The following GREB1 variants were observed in gnomAD, a reference collection of about 807,000 sequenced individuals.
GREB1 encodes the protein protein GREB1.
GREB1 carries 106 observed loss-of-function variants against 200.7 expected under a neutral mutation model. The ratio of observed to expected loss-of-function variants is 0.53; its 90% confidence interval spans 0.45 to 0.62. The LOEUF is 0.62. Among genes scored for constraint, GREB1 ranks in the 20% least tolerant of loss-of-function variants. The probability of loss-of-function intolerance (pLI) is 0.00; values close to 1 mark genes in which losing one functional copy is unlikely to be tolerated. For synonymous variants in GREB1, 1,132 were observed against 1,092.4 expected (o/e 1.04, Z -0.72); for missense variants, 2,243 against 2,556.8 (o/e 0.88, Z 2.65).
intron 17 of GREB1, 78 bp from the exon 18 acceptor site, chr2:11,610,610 G>A (rs925349294): frequency 2.1e-5 from 23 of 1,097,560 alleles, no homozygotes; most frequent in South Asian, 4.4e-5. Context: ...GTAGAGTGAC[G>A]GATGTCTTGG....
chr2:11,621,933 T>A (rs554873688), intron 23 of GREB1, among the ~76,000 whole-genome samples: 38 of 152,378 alleles, frequency 2.5e-4, no homozygotes, highest in African/African-American at 8.9e-4. Context: ...GTCTCCTTGC[T>A]TTCTTGGACA....
intron 1 of GREB1, among the ~76,000 whole-genome samples, chr2:11,487,646 A>G (rs1672684942): frequency 6.6e-6 from 1 of 152,198 alleles, no homozygotes; most frequent in Non-Finnish European, 1.5e-5. Context: ...AATTTCAAAC[A>G]TATCTAAAAC....
chr2:11,521,761 G>A (rs932653551), intron 1 of GREB1, among the ~76,000 whole-genome samples: 2 of 152,252 alleles, frequency 1.3e-5, no homozygotes, highest in Non-Finnish European at 2.9e-5. Context: ...TGCTAATAAC[G>A]CAAACCATTT....
At chr2:11,562,751 C>T in intron 3 of GREB1, 169 bp downstream of exon 3, 2 of 641,570 alleles carry the variant, frequency 3.1e-6, no homozygotes, top group South Asian at 2.6e-5. Flanking sequence ...CAGGTGCTGG[C>T]CCGGCCTGCC....
intron 1 of GREB1, among the ~76,000 whole-genome samples, chr2:11,538,613 C>G (rs190171019): frequency 3.5e-3 from 10 of 2,858 alleles, no homozygotes; most frequent in East Asian, 0.014. Context: ...GCTTGTGTTT[C>G]TTTCTTTCTT....
chr2:11,560,526 C>A (rs1254315446), intron 2 of GREB1, among the ~76,000 whole-genome samples: 1 of 152,058 alleles, frequency 6.6e-6, no homozygotes, highest in African/African-American at 2.4e-5. Flanking sequence ...CATGGTGAAA[C>A]CCCATCTCTA....
Position 11,618,995 on chromosome 2 carries a change from G to A in GREB1, c.4044+76G>A, listed in dbSNP as rs1572159848. ...CACTCCCATCTGGAGGGCAGGCCTG[G>A]GGGTGACCGCACCCACGTCTTCACT... On this transcript the variant is annotated intron_variant, in intron 22 of 32. Transcript: ENST00000381486. The A allele has an allele frequency of 2.3e-6, 3 of 1,316,120 alleles. No homozygotes were observed. In the East Asian group the frequency reaches 7.6e-5, roughly 33 times the overall value. The allele number at this position is 1,316,120 out of a possible 1,614,324, so 81.5% of individuals were successfully genotyped here. A position where few individuals can be genotyped will look rare whatever the true frequency, so the allele number is the denominator to read the frequency against.
chr2:11,617,568 G>A (rs112453716), intron 21 of GREB1, among the ~76,000 whole-genome samples: 3,539 of 152,344 alleles, frequency 0.023, 137 homozygotes, highest in African/African-American at 0.08. Context: ...GGGTAGGTGA[G>A]GTTACCACAG....
At position 11,556,557 on chromosome 2, in the gene GREB1, A is replaced by G. The variant is rs927687091; in HGVS notation, c.-58A>G. On this transcript the variant is annotated 5_prime_UTR_variant, in exon 2 of 33. Transcript: ENST00000381486. The stretch of plus-strand genomic sequence containing the variant: ...TTCACCTTCTACCTTGCGTGGAGCC[A>G]GGCTTTTGCACCGAATCTGAGATGC... 3 of 1,431,832 alleles carry G rather than the reference A, an allele frequency of 2.1e-6. No individual in the cohort carries two copies. The highest frequency in any genetic ancestry group is 2.8e-5 in the African/African-American group (2 of 70,776). The allele number at this position is 1,431,832 out of a possible 1,614,324, so 88.7% of individuals were successfully genotyped here.
rs373376450 is a variant in GREB1 at position 11,602,450 on chromosome 2, G to T, written c.2574G>T (p.Ser858=). 27 of 1,612,596 alleles carry T rather than the reference G, an allele frequency of 1.7e-5. No homozygotes were observed. The highest frequency in any genetic ancestry group is 1.3e-5 in the African/African-American group (1 of 74,908). ...AAAATAAGAAGTACTTCGGGCTGTC[G>T]GAGTTTATTGAATCCACCCTTTCAG... ...YHENKKYFGL[S]EFIESTLSGH... is the part of the protein sequence containing the mutation. The change falls in exon 17 of 33, where the codon TCG becomes TCT. Residue 858 remains serine (S), a synonymous_variant. Coordinates refer to ENST00000381486, the MANE Select transcript of GREB1 (RefSeq NM_014668.4).
intron 21 of GREB1, 72 bp from the exon 22 acceptor site, chr2:11,618,216 C>CACTCCTGGGATGGGTG (rs1558644076): frequency 5.0e-6 from 7 of 1,389,462 alleles, no homozygotes; most frequent in Non-Finnish European, 5.7e-6. Flanking sequence ...TGGGACAGGT[C>CACTCCTGGGATGGGTG]ACTCCTGGGA....
At chr2:11,496,613 A>G (rs575327889) in intron 1 of GREB1, among the ~76,000 whole-genome samples, 9 of 151,072 alleles carry the variant, frequency 6.0e-5, no homozygotes, top group Non-Finnish European at 1.2e-4. Flanking sequence ...AGCTGCTAGC[A>G]AGAAGAATAT....
At chr2:11,531,680 C>T (rs1053613081), upstream of GREB1, among the ~76,000 whole-genome samples, 6 of 152,126 alleles carry the variant, frequency 3.9e-5, no homozygotes, top group Admixed American at 6.6e-5. Context: ...AAGCGATTCT[C>T]CTGCATCAGC....
chr2:11,619,378 T>C (rs1380477729), intron 22 of GREB1, among the ~76,000 whole-genome samples: 1 of 152,110 alleles, frequency 6.6e-6, no homozygotes, highest in African/African-American at 2.4e-5. Context: ...TGGCAGAATC[T>C]CCTGTGCGTG....
intron 17 of GREB1, among the ~76,000 whole-genome samples, chr2:11,605,170 T>TTTTTTTTTTTTTTG: frequency 7.3e-6 from 1 of 137,824 alleles, no homozygotes; most frequent in Non-Finnish European, 1.5e-5. Context: ...TTTTTTTTTT[T>TTTTTTTTTTTTTTG]TTTTTTACGC....
At position 11,592,873 on chromosome 2, in the gene GREB1, GCCGCCGCAGCCCTTC is replaced by G. The variant is rs1184041245; in HGVS notation, c.1449_1463del (p.Gln484_Pro488del). On this transcript the variant is annotated inframe_deletion, in exon 11 of 33. Coordinates refer to ENST00000381486, the MANE Select transcript of GREB1 (RefSeq NM_014668.4). ...CCGAGATCCGGCAGTACCAGCAGGC[GCCGCCGCAGCCCTTC>G]CCGCCCGCGCCCAGCGCCGCGGCAC... is the stretch of plus-strand genomic sequence containing the variant. The G allele has an allele frequency of 9.4e-6, 15 of 1,597,466 alleles. No individual in the cohort carries two copies. Among genetic ancestry groups the G allele is most frequent in the Non-Finnish European group, 1.3e-5 (15 of 1,174,206 alleles).
chr2:11,522,593 A>G (rs1218489235), intron 1 of GREB1, among the ~76,000 whole-genome samples: 1 of 152,210 alleles, frequency 6.6e-6, no homozygotes, highest in Non-Finnish European at 1.5e-5. Context: ...CAGCCACTGA[A>G]CATGTGGTTC....
intron 1 of GREB1, among the ~76,000 whole-genome samples, chr2:11,521,608 C>T (rs1480476972): frequency 1.3e-5 from 2 of 152,182 alleles, no homozygotes; most frequent in Non-Finnish European, 2.9e-5. Flanking sequence ...TCATCTTGTG[C>T]TCCTTAACCC....
chr2:11,494,322 G>A (rs1185798521), intron 1 of GREB1, among the ~76,000 whole-genome samples: 2 of 152,240 alleles, frequency 1.3e-5, no homozygotes, highest in East Asian at 3.8e-4. Flanking sequence ...ATCCTCTAGT[G>A]TGGTTTATAG....
Sources: gnomAD v4.1 joint callset for allele counts (sites outside exome capture counted in the v4.1 genomes callset) on GRCh38, gnomAD v4.1.1 for gene constraint, MANE v1.5 for transcripts, NCBI Gene and HGNC (gene_info 2026-07-23, HGNC 2026-07-21) for gene names.